The following ZNF34 variants were observed in gnomAD, a reference collection of about 807,000 sequenced individuals.
ZNF34 encodes the protein zinc finger protein 34 (KOX 32).
Under a neutral mutation model 14.4 loss-of-function variants are expected in ZNF34, and 8 were observed. The observed-to-expected ratio is 0.55, with a 90% CI of 0.33 to 1.00. The LOEUF (loss-of-function observed/expected upper bound fraction) is 1.00. ZNF34 is among the 50% of genes least tolerant of loss of function. The pLI, the probability that ZNF34 is intolerant of heterozygous loss-of-function variation, is 0.03. For missense variants in ZNF34, 538 were observed against 674.2 expected (o/e 0.80, Z 2.24); for synonymous variants, 235 against 247.9 (o/e 0.95, Z 0.49).
At chr8:144,785,041 T>G (rs1173187440) in intron 1 of ZNF34, among the ~76,000 whole-genome samples, 2 of 120,416 alleles carry the variant, frequency 1.7e-5, no homozygotes, top group South Asian at 5.1e-4. Flanking sequence ...CGTTTGAGAG[T>G]GGGAGATGGA....
chr8:144,774,584 T>C lies in ZNF34; in HGVS notation c.302A>G (p.Tyr101Cys). 1 of 1,613,500 alleles carries C rather than the reference T, an allele frequency of 6.2e-7. No individual in the cohort carries two copies. ...NSPALGTRTE[Y>C]KELTSQETFG... is the part of the protein sequence containing the mutation. ...TGTCTCCTGTGAAGTCAACTCCTTGTACTCAGTTCTGGTCCCAAGAGCTGA... is the reference window on the plus strand; with the variant it reads ...TGTCTCCTGTGAAGTCAACTCCTTGCACTCAGTTCTGGTCCCAAGAGCTGA... The change falls in exon 6 of 6, where the codon TAC becomes TGC. Residue 101 changes from tyrosine (Y) to cysteine (C), a missense_variant. This residue lies in a region of ZNF34 where 431 missense variants were observed against 525.7 expected (regional missense o/e 0.82). Coordinates refer to ENST00000429371, the MANE Select transcript of ZNF34 (RefSeq NM_001286769.2).
In ZNF34 at chr8:144,777,482, C is replaced by G. The variant is rs1351513861; in HGVS notation, c.256G>C (p.Glu86Gln). The G allele has an allele frequency of 6.4e-7, 1 of 1,552,234 alleles. No individual in the cohort carries two copies. The highest frequency in any genetic ancestry group is 2.4e-5 in the East Asian group (1 of 40,968). The change falls in exon 5 of 6, where the codon GAG (glutamate) becomes CAG (glutamine). Residue 86 changes from glutamate (E) to glutamine (Q), a missense_variant. Around this residue, in one of 3 missense-constraint regions of ZNF34, gnomAD observed 431 missense variants for 525.7 expected, o/e 0.82. Transcript: ENST00000429371. The surrounding 1 kb of genome is among the most constrained non-coding windows in gnomAD (Gnocchi z 4.8). ...CCTGGGCTGTTGACTCTCAGGTGCT[C>G]TTTCCCAGAGGTGCCCTGAACATCC... Reference protein sequence around the residue: ...VLDVQGTSGKEHLRVNSPALG... With the variant: ...VLDVQGTSGKQHLRVNSPALG...
chr8:144,774,706 C>A (rs745858265), intron 5 of ZNF34, 101 bp from the exon 6 acceptor site: 54 of 1,404,330 alleles, frequency 3.8e-5, no homozygotes, highest in Non-Finnish European at 5.2e-5. Context: ...TTGATCATCT[C>A]CAAAGTCCCA....
Position 144,779,784 on chromosome 8 carries a change from C to T in ZNF34, c.-55+444G>A, listed in dbSNP as rs1410614542. Reference sequence around the variant, plus strand: ...TGCCCTCGGGCCGTCTATCCCCCTCCCTGCTCTGGCATGCTAAGCTGTCTC... The same window carrying T: ...TGCCCTCGGGCCGTCTATCCCCCTCTCTGCTCTGGCATGCTAAGCTGTCTC... On this transcript the variant is annotated intron_variant, in intron 2 of 5. Transcript: ENST00000429371. The surrounding 1 kb of genome is among the most constrained non-coding windows in gnomAD (Gnocchi z 4.1). Among the ~76,000 whole-genome samples the T allele has an allele frequency of 1.3e-5, 2 of 152,126 alleles. No individual in the cohort carries two copies. Among genetic ancestry groups the T allele is most frequent in the African/African-American group, 4.8e-5 (2 of 41,410 alleles).
Position 144,781,394 on chromosome 8 carries a change from A to G in ZNF34, c.-107-1114T>C, listed in dbSNP as rs1320572756. On this transcript the variant is annotated intron_variant, in intron 1 of 5. Transcript: ENST00000429371. ...CGCCATTCTCCTGCCTCAGCCTCCC[A>G]AGTAGCTGGGACCACAGGTGCGTTT... Among the ~76,000 whole-genome samples the G allele has an allele frequency of 3.3e-5, 5 of 151,022 alleles. No homozygotes were observed. The South Asian group carries it at 6.3e-4, about 19-fold the overall frequency.
chr8:144,784,030 G>A (rs1826067685), intron 1 of ZNF34, among the ~76,000 whole-genome samples: 2 of 151,932 alleles, frequency 1.3e-5, no homozygotes, highest in South Asian at 4.1e-4. Context: ...CATGGTGGCA[G>A]GCGCCTGTAG....
At chr8:144,784,073 T>C (rs1305061559) in intron 1 of ZNF34, among the ~76,000 whole-genome samples, 2 of 149,598 alleles carry the variant, frequency 1.3e-5, no homozygotes, top group Non-Finnish European at 3.0e-5. Flanking sequence ...GGCAGGAGAA[T>C]GGCGCGAACC....
intron 1 of ZNF34, among the ~76,000 whole-genome samples, chr8:144,783,462 T>A (rs1464574516): frequency 2.0e-5 from 3 of 152,024 alleles, no homozygotes; most frequent in Non-Finnish European, 4.4e-5. Flanking sequence ...ATAAAAATAA[T>A]CTACATAGAA....
chr8:144,780,397 G>T, intron 1 of ZNF34, 117 bp from the exon 2 acceptor site: 1 of 786,852 alleles, frequency 1.3e-6, no homozygotes, highest in Non-Finnish European at 2.0e-6. Flanking sequence ...TTTTATTTAA[G>T]TATATTTTTA....
At chr8:144,780,365 T>A in intron 1 of ZNF34, 85 bp from the exon 2 acceptor site, 1 of 1,020,546 alleles carries the variant, frequency 9.8e-7, no homozygotes, top group Non-Finnish European at 1.5e-6. Context: ...TAGCTATATA[T>A]CTTTTCTGTA....
intron 5 of ZNF34, among the ~76,000 whole-genome samples, chr8:144,776,752 A>C (rs1052265653): frequency 6.6e-6 from 1 of 152,012 alleles, no homozygotes; most frequent in Non-Finnish European, 1.5e-5. Flanking sequence ...TCTGTAAAAA[A>C]ATCAAAAAAT....
At chr8:144,781,361 C>T (rs898801149) in intron 1 of ZNF34, among the ~76,000 whole-genome samples, 5 of 150,786 alleles carry the variant, frequency 3.3e-5, no homozygotes, top group Non-Finnish European at 7.4e-5. Context: ...CTCTGCCTCC[C>T]GGGTTCACGC....
In ZNF34 at chr8:144,783,969, G is replaced by T. The variant is rs543569559; in HGVS notation, c.-108+3310C>A. ...CACGAGGTCAGATCGAGACCATCCT[G>T]GCTAACATGGTGAAACCCCATCTCT... On this transcript the variant is annotated intron_variant, in intron 1 of 5. Transcript: ENST00000429371. 2.0e-5 allele frequency among the ~76,000 whole-genome samples: 3 copies of T among 152,006 alleles called. No individual in the cohort carries two copies. The East Asian group carries it at 5.8e-4, about 29-fold the overall frequency.
intron 1 of ZNF34, among the ~76,000 whole-genome samples, chr8:144,780,817 A>C (rs1415752571): frequency 2.7e-5 from 4 of 150,914 alleles, no homozygotes; most frequent in Non-Finnish European, 5.9e-5. Context: ...AGAAAGCGAA[A>C]ATCACTAATA....
intron 1 of ZNF34, among the ~76,000 whole-genome samples, chr8:144,783,684 A>G (rs1826038101): frequency 6.6e-6 from 1 of 152,260 alleles, no homozygotes; most frequent in African/African-American, 2.4e-5. Context: ...ACTTTATTGA[A>G]GTACCTTAGA....
chr8:144,782,567 G>A (rs930753206), intron 1 of ZNF34, among the ~76,000 whole-genome samples: 16 of 151,970 alleles, frequency 1.1e-4, no homozygotes, highest in African/African-American at 3.6e-4. Flanking sequence ...GCCGGGCACG[G>A]TGGCTCACGG....
Position 144,772,532 on chromosome 8 carries a change from T to C in ZNF34, c.*734A>G, listed in dbSNP as rs1300904182. On this transcript the variant is annotated 3_prime_UTR_variant, in exon 6 of 6. Transcript: ENST00000429371. ...ACTCTATTGACATAAAAAGTATGAA[T>C]GTTAAGTTTGTTTCATTTATTTTTT... Among the ~76,000 whole-genome samples, 5 of 152,202 alleles carry C rather than the reference T, an allele frequency of 3.3e-5. No homozygotes were observed. Among genetic ancestry groups the C allele is most frequent in the Non-Finnish European group, 5.9e-5 (4 of 68,036 alleles).
chr8:144,773,643 C>G lies in ZNF34; in HGVS notation c.1243G>C (p.Glu415Gln). 6.2e-7 allele frequency: 1 copy of G among 1,613,980 alleles called. No homozygotes were observed. The highest frequency in any genetic ancestry group is 8.5e-7 in the Non-Finnish European group (1 of 1,179,966). The change falls in exon 6 of 6, where the codon GAA (glutamate) becomes CAA (glutamine). Residue 415 changes from glutamate to glutamine, a missense_variant. By Grantham distance (29) the Glu-to-Gln change is conservative. Transcript: ENST00000429371. The surrounding 1 kb of genome is among the most constrained non-coding windows in gnomAD (Gnocchi z 5.4). ...KAFIQKTKLV[E>Q]HQRSHTGEKP... ...TCTCCAGTGTGGCTTCTCTGATGTT[C>G]CACGAGTTTGGTTTTTTGAATGAAA...
intron 3 of ZNF34, 58 bp from the exon 4 acceptor site, chr8:144,778,222 G>C: frequency 2.6e-6 from 4 of 1,567,384 alleles, no homozygotes; most frequent in Non-Finnish European, 3.5e-6. Context: ...TGGTAGGGGC[G>C]GGGAGGCAGC....
Sources: gnomAD v4.1 joint callset for allele counts (sites outside exome capture counted in the v4.1 genomes callset) on GRCh38, gnomAD v4.1.1 for gene constraint, gnomAD v4.1.1 regional missense constraint, Gnocchi (gnomAD v3.1) non-coding constraint, MANE v1.5 for transcripts, NCBI Gene and HGNC (gene_info 2026-07-23, HGNC 2026-07-21) for gene names.